The following DNMT1 variants were observed in gnomAD, a reference collection of about 807,000 sequenced individuals.
The protein encoded by DNMT1 is DNA methyltransferase 1, also known as DNA (cytosine-5)-methyltransferase 1.
DNMT1 carries 24 observed loss-of-function variants against 205.3 expected under a neutral mutation model. That is an observed-to-expected ratio of 0.12 (90% CI 0.08 to 0.16). DNMT1 has a LOEUF of 0.16. DNMT1 is among the 10% of genes least tolerant of loss of function. DNMT1 has a pLI of 1.00. For synonymous variants in DNMT1, 817 were observed against 839.8 expected (o/e 0.97, Z 0.47); for missense variants, 1,293 against 2,177.7 (o/e 0.59, Z 8.09).
chr19:10,176,725 G>A (rs1182303903), intron 6 of DNMT1, among the ~76,000 whole-genome samples: 1 of 152,024 alleles, frequency 6.6e-6, no homozygotes, highest in East Asian at 1.9e-4. Flanking sequence ...AGGCGTGGCG[G>A]CGCGCGCCTG....
rs1396682960 is a variant in DNMT1 at position 10,159,211 on chromosome 19, A to G, written c.1280+447T>C. ...ATCAGCAAAGCTCTATTGTCCCTTC[A>G]TCAGCTTTCCACGTGGCTCTTTGAG... is the stretch of plus-strand genomic sequence containing the variant. On this transcript the variant is annotated intron_variant, in intron 17 of 40. Coordinates refer to ENST00000359526, the MANE Select transcript of DNMT1 (RefSeq NM_001130823.3). This position sits in a 1 kb window ranked among gnomAD's most constrained non-coding sequence, Gnocchi z 5.0. 1.3e-5 allele frequency among the ~76,000 whole-genome samples: 2 copies of G among 152,146 alleles called. No individual in the cohort carries two copies. The highest frequency in any genetic ancestry group is 6.6e-5 in the Admixed American group (1 of 15,248).
intron 3 of DNMT1, 25 bp downstream of exon 3, chr19:10,180,753 G>A (rs1300680794): frequency 6.2e-7 from 1 of 1,608,148 alleles, no homozygotes; most frequent in Non-Finnish European, 8.5e-7. Context: ...TTTTCTAGAG[G>A]CTAGGATGCT....
intron 17 of DNMT1, among the ~76,000 whole-genome samples, chr19:10,157,253 T>TGAATTCA (rs1264256103): frequency 6.6e-6 from 1 of 152,132 alleles, no homozygotes; most frequent in Non-Finnish European, 1.5e-5. Flanking sequence ...TCTATACCTA[T>TGAATTCA]GAATTCACCT....
intron 1 of DNMT1, among the ~76,000 whole-genome samples, chr19:10,186,838 C>CAAAAAAAAAAAAAAAAAAAAAAAAAAA (rs35238334): frequency 2.8e-5 from 2 of 70,688 alleles, no homozygotes; most frequent in African/African-American, 1.2e-4. Context: ...AACTCCGTCT[C>CAAAAAAAAAAAAAAAAAAAAAAAAAAA]AAAAAAAAAA....
intron 1 of DNMT1, among the ~76,000 whole-genome samples, chr19:10,191,272 C>A (rs1420974058): frequency 6.7e-6 from 1 of 149,692 alleles, no homozygotes; most frequent in African/African-American, 2.5e-5. Flanking sequence ...CAGAGCAAGA[C>A]CCTGCCTCAA....
At chr19:10,163,486 G>T in intron 11 of DNMT1, 126 bp from the exon 12 acceptor site, 1 of 983,184 alleles carries the variant, frequency 1.0e-6, no homozygotes, top group South Asian at 1.3e-5. Flanking sequence ...GGAGCTGGAA[G>T]ACAGGCAGGC....
chr19:10,134,109 G>A (rs1288311404), intron 40 of DNMT1, 108 bp downstream of exon 40: 4 of 1,183,778 alleles, frequency 3.4e-6, no homozygotes, highest in Non-Finnish European at 5.0e-6. Flanking sequence ...ACGTGGGTAG[G>A]TGACCCGCCT....
At position 10,133,650 on chromosome 19, in the gene DNMT1, G is replaced by A; in HGVS notation, c.*17C>T. On this transcript the variant is annotated 3_prime_UTR_variant, in exon 41 of 41. Transcript: ENST00000359526. The surrounding 1 kb of genome is among the most constrained non-coding windows in gnomAD (Gnocchi z 4.1). ...GGGATTCCTGGTGCCAGAAACAGGGGTGACGGGAGGGCAGAACTAGTCCTT... is the reference window on the plus strand; with the variant it reads ...GGGATTCCTGGTGCCAGAAACAGGGATGACGGGAGGGCAGAACTAGTCCTT... 3 of 1,597,090 alleles carry A rather than the reference G, an allele frequency of 1.9e-6. No homozygotes were observed. Among genetic ancestry groups the A allele is most frequent in the Admixed American group, 1.7e-5 (1 of 58,120 alleles).
At chr19:10,185,118 TGTG>T (rs1353101655) in intron 1 of DNMT1, among the ~76,000 whole-genome samples, 6 of 152,154 alleles carry the variant, frequency 3.9e-5, no homozygotes, top group Non-Finnish European at 8.8e-5. Context: ...TGACTTGCTG[TGTG>T]GTTAGGAAAG....
chr19:10,136,083 G>A, intron 38 of DNMT1, 38 bp downstream of exon 38: 1 of 1,613,352 alleles, frequency 6.2e-7, no homozygotes, highest in Non-Finnish European at 8.5e-7. Context: ...CAAGTACAGG[G>A]CCTGACCCAG....
At chr19:10,141,271 A>T in intron 30 of DNMT1, 82 bp from the exon 31 acceptor site, 1 of 1,420,370 alleles carries the variant, frequency 7.0e-7, no homozygotes, top group Non-Finnish European at 9.9e-7. Context: ...AGGCAATTTG[A>T]TAGTCACTTA....
intron 1 of DNMT1, among the ~76,000 whole-genome samples, chr19:10,185,120 T>G (rs923530160): frequency 3.3e-5 from 5 of 152,148 alleles, no homozygotes; most frequent in African/African-American, 1.2e-4. Flanking sequence ...ACTTGCTGTG[T>G]GGTTAGGAAA....
At chr19:10,158,390 C>T (rs983916777) in intron 17 of DNMT1, among the ~76,000 whole-genome samples, 5 of 152,208 alleles carry the variant, frequency 3.3e-5, no homozygotes, top group South Asian at 2.1e-4. Context: ...GCACGGGGAA[C>T]GTGTGGGTGC....
At chr19:10,164,714 G>T (rs1375611420) in intron 11 of DNMT1, among the ~76,000 whole-genome samples, 1 of 151,874 alleles carries the variant, frequency 6.6e-6, no homozygotes, top group Admixed American at 6.6e-5. Context: ...GATTGTTTGA[G>T]ATCAGGAGTT....
At chr19:10,135,915 A>G in intron 38 of DNMT1, 63 bp from the exon 39 acceptor site, 2 of 1,522,328 alleles carry the variant, frequency 1.3e-6, no homozygotes, top group African/African-American at 1.4e-5. Context: ...CGTCGGGGAC[A>G]GGGAGGGAAA....
intron 39 of DNMT1, among the ~76,000 whole-genome samples, chr19:10,135,117 C>G (rs1051654386): frequency 6.7e-6 from 1 of 149,584 alleles, no homozygotes; most frequent in Non-Finnish European, 1.5e-5. Flanking sequence ...GAGGCTGAGG[C>G]AGGAGAATCA....
intron 24 of DNMT1, 109 bp from the exon 25 acceptor site, chr19:10,150,077 G>C: frequency 1.1e-6 from 1 of 928,294 alleles, no homozygotes; most frequent in Non-Finnish European, 1.7e-6. Flanking sequence ...ATTTCATTAA[G>C]AAGTCAATGA....
In DNMT1 at chr19:10,163,877, T is replaced by C. The variant is rs183188822; in HGVS notation, c.892-517A>G. Reference sequence around the variant, plus strand: ...GGGCAACATGCTGAGACCCCATCTCTGCAAAATATACTATATATATATATG... The same window carrying C: ...GGGCAACATGCTGAGACCCCATCTCCGCAAAATATACTATATATATATATG... On this transcript the variant is annotated intron_variant, in intron 11 of 40. Transcript: ENST00000359526. Among the ~76,000 whole-genome samples the C allele has an allele frequency of 7.2e-4, 110 of 152,176 alleles. 2 individuals are homozygous for C. The East Asian group carries it at 0.019, about 27-fold the overall frequency.
At chr19:10,184,115 A>T (rs1165664808) in intron 1 of DNMT1, among the ~76,000 whole-genome samples, 1 of 152,144 alleles carries the variant, frequency 6.6e-6, no homozygotes, top group Non-Finnish European at 1.5e-5. Context: ...AAGGGAAATG[A>T]CCTACAGCTG....
Sources: allele counts gnomAD v4.1 joint callset (sites outside exome capture counted in the v4.1 genomes callset), GRCh38; gene constraint gnomAD v4.1.1; non-coding constraint Gnocchi (gnomAD v3.1); transcripts MANE v1.5; gene names NCBI Gene and HGNC (gene_info 2026-07-23, HGNC 2026-07-21).